LINGO2: variants seen among roughly 807,000 people sequenced by gnomAD.
LINGO2 encodes the protein leucine rich repeat and Ig domain containing 2, also known as leucine-rich repeat and immunoglobulin-like domain-containing nogo receptor-interacting protein 2.
In LINGO2, 14 loss-of-function variants were observed where a neutral mutation model predicts 30.6. That is an observed-to-expected ratio of 0.46 (90% CI 0.30 to 0.72). The LOEUF is 0.72. Ranked by LOEUF, LINGO2 falls within the 30% of genes least tolerant of loss-of-function variation. The pLI, the probability that LINGO2 is intolerant of heterozygous loss-of-function variation, is 0.07. For synonymous variants in LINGO2, 317 were observed against 288.5 expected, an observed-to-expected ratio of 1.10 and a Z score of -1.00; for missense variants, 729 against 751.7, an observed-to-expected ratio of 0.97 and a Z score of 0.35.
At chr9:29,012,499 A>C in the LINGO2 span, among the ~76,000 whole-genome samples, 1 of 152,326 alleles carries the variant, frequency 6.6e-6, no homozygotes, top group African/African-American at 2.4e-5. Flanking sequence ...TAACCTCTAC[A>C]GCAGAACCGT....
At chr9:29,076,347 T>C in the LINGO2 span, among the ~76,000 whole-genome samples, 2 of 151,914 alleles carry the variant, frequency 1.3e-5, no homozygotes, top group African/African-American at 4.8e-5. Flanking sequence ...TTAGCCTTTC[T>C]TCAGCAGCAA....
Position 28,160,723 on chromosome 9 carries a change from C to T in LINGO2, c.-87+134485G>A, listed in dbSNP as rs1407595412. On this transcript the variant is annotated intron_variant, in intron 4 of 5. Transcript: ENST00000379992. Reference sequence around the variant, plus strand: ...TTTCCCTATTTTTTGTTATTCTATCCTCAGTGCTGGGAACAGTGTCTGGTA... The same window carrying T: ...TTTCCCTATTTTTTGTTATTCTATCTTCAGTGCTGGGAACAGTGTCTGGTA... Among the ~76,000 whole-genome samples, 4 of 152,048 alleles carry T rather than the reference C, an allele frequency of 2.6e-5. No individual in the cohort carries two copies. The East Asian group carries it at 7.7e-4, about 29-fold the overall frequency.
intron 2 of LINGO2, among the ~76,000 whole-genome samples, chr9:28,427,204 G>A (rs1000108442): frequency 2.0e-5 from 3 of 152,032 alleles, no homozygotes; most frequent in Non-Finnish European, 4.4e-5. Flanking sequence ...TAAAACACAA[G>A]AAGACATAGT....
chr9:28,462,719 C>G (rs1825133173), intron 2 of LINGO2, among the ~76,000 whole-genome samples: 1 of 152,014 alleles, frequency 6.6e-6, no homozygotes, highest in Non-Finnish European at 1.5e-5. Context: ...TGGGCATTTT[C>G]TAGTTTAATT....
intron 3 of LINGO2, among the ~76,000 whole-genome samples, chr9:28,309,547 T>C (rs1412874149): frequency 2.6e-5 from 4 of 151,450 alleles, no homozygotes; most frequent in African/African-American, 4.9e-5. Context: ...CTAACCTGCA[T>C]GTTGTGCACA....
intron 4 of LINGO2, among the ~76,000 whole-genome samples, chr9:28,193,802 A>G (rs1255493969): frequency 6.6e-6 from 1 of 152,154 alleles, no homozygotes; most frequent in Non-Finnish European, 1.5e-5. Context: ...TGGAGGCTGC[A>G]GTGGAAACAA....
At chr9:28,119,057 A>G (rs1307217746) in intron 4 of LINGO2, among the ~76,000 whole-genome samples, 11 of 150 alleles carry the variant, frequency 0.073, no homozygotes, top group Non-Finnish European at 0.17. Context: ...CAGTCAAGTA[A>G]AAAAAAAATG....
the LINGO2 span, among the ~76,000 whole-genome samples, chr9:29,151,182 GAGA>G: frequency 1.3e-5 from 2 of 152,122 alleles, no homozygotes; most frequent in African/African-American, 2.4e-5. Flanking sequence ...ATGACTGAAG[GAGA>G]AGATCTTTCT....
chr9:28,815,080 G>A, the LINGO2 span, among the ~76,000 whole-genome samples: 1 of 152,168 alleles, frequency 6.6e-6, no homozygotes, highest in Non-Finnish European at 1.5e-5. Flanking sequence ...ATTCTATAGA[G>A]AGGCTGTCTC....
At chr9:29,171,433 C>T in the LINGO2 span, among the ~76,000 whole-genome samples, 9 of 151,960 alleles carry the variant, frequency 5.9e-5, no homozygotes, top group African/African-American at 2.2e-4. Context: ...CGTATAGCCA[C>T]TAGTTTATTT....
intron 4 of LINGO2, among the ~76,000 whole-genome samples, chr9:28,027,713 G>A (rs1331943120): frequency 6.6e-6 from 1 of 152,114 alleles, no homozygotes; most frequent in Admixed American, 6.5e-5. Context: ...ATGCGAGGTG[G>A]TATATAAAGT....
rs139830365 is a variant in LINGO2, at chr9:28,514,310, T to C, written c.-364-38285A>G. On this transcript the variant is annotated intron_variant, in intron 1 of 5. Coordinates refer to ENST00000379992, the Ensembl canonical transcript of LINGO2. ...AGAGTAGCCCATCTCTTATTTTAAA[T>C]AAAAAACTAAAAATGATTAAGCTTA... 2.3e-3 allele frequency among the ~76,000 whole-genome samples: 354 copies of C among 152,132 alleles called. 1 individual carries two copies. Among genetic ancestry groups the C allele is most frequent in the Non-Finnish European group, 3.5e-3 (236 of 67,976 alleles).
chr9:28,506,413 T>C (rs1341073242), intron 1 of LINGO2, among the ~76,000 whole-genome samples: 11 of 2,446 alleles, frequency 4.5e-3, no homozygotes, highest in East Asian at 0.015. Context: ...TATATATATA[T>C]ATATATATAC....
chr9:29,091,152 G>C, the LINGO2 span, among the ~76,000 whole-genome samples: 3 of 152,050 alleles, frequency 2.0e-5, no homozygotes, highest in African/African-American at 7.2e-5. Flanking sequence ...GAAAATTGCA[G>C]TTCCAAATCT....
chr9:29,210,231 A>C, the LINGO2 span, among the ~76,000 whole-genome samples: 1 of 152,176 alleles, frequency 6.6e-6, no homozygotes, highest in African/African-American at 2.4e-5. Context: ...TTAGAGATGG[A>C]GTCCTAAAAC....
At chr9:28,429,064 T>C (rs4329357) in intron 2 of LINGO2, among the ~76,000 whole-genome samples, 19,287 of 152,184 alleles carry the variant, frequency 0.13, 1,417 homozygotes, top group East Asian at 0.24. Flanking sequence ...TTGACAATTG[T>C]ATCATAGCAG....
At chr9:28,175,778 T>C (rs1167801724) in intron 4 of LINGO2, among the ~76,000 whole-genome samples, 9 of 152,170 alleles carry the variant, frequency 5.9e-5, no homozygotes, top group South Asian at 2.1e-4. Context: ...CTGTTCACTC[T>C]TATTACAATG....
intron 1 of LINGO2, among the ~76,000 whole-genome samples, chr9:28,546,438 A>G (rs1821950146): frequency 6.6e-6 from 1 of 152,116 alleles, no homozygotes; most frequent in Non-Finnish European, 1.5e-5. Context: ...TAATAGACTG[A>G]GTGAGGGAAC....
chr9:28,970,483 A>G, the LINGO2 span, among the ~76,000 whole-genome samples: 1 of 152,160 alleles, frequency 6.6e-6, no homozygotes, highest in Non-Finnish European at 1.5e-5. Flanking sequence ...AGAGGCAATG[A>G]AGAGGTAGAA....
Sources: gnomAD v4.1 joint callset for allele counts (sites outside exome capture counted in the v4.1 genomes callset) on GRCh38, gnomAD v4.1.1 for gene constraint, MANE v1.5 for transcripts, NCBI Gene and HGNC (gene_info 2026-07-23, HGNC 2026-07-21) for gene names.